The following NUP160 variants were observed in gnomAD, a reference collection of about 807,000 sequenced individuals.
NUP160 encodes nuclear pore complex protein Nup160.
NUP160 carries 94 observed loss-of-function variants against 196.9 expected under a neutral mutation model. That is an observed-to-expected ratio of 0.48 (90% CI 0.40 to 0.57). The LOEUF is 0.57. Among genes scored for constraint, NUP160 ranks in the 20% least tolerant of loss-of-function variants. NUP160 has a pLI of 0.00. For synonymous variants in NUP160, 605 were observed against 619.7 expected, an observed-to-expected ratio of 0.98 and a Z score of 0.35; for missense variants, 1,638 against 1,748.3, an observed-to-expected ratio of 0.94 and a Z score of 1.13.
chr11:47,788,454 G>A (rs951102905), intron 30 of NUP160, 47 bp downstream of exon 30: 2 of 1,560,286 alleles, frequency 1.3e-6, no homozygotes, highest in Non-Finnish European at 1.8e-6. Flanking sequence ...CCTAAAATGT[G>A]CTCGTGGTGC....
In NUP160 at chr11:47,795,968, A is replaced by G. The variant is rs1283465786; in HGVS notation, c.3289+1811T>C. Among the ~76,000 whole-genome samples the G allele has an allele frequency of 3.3e-5, 5 of 152,148 alleles. No homozygotes were observed. The South Asian group carries it at 6.2e-4, about 19-fold the overall frequency. ...GGAGTTCAAGACCAGCCTGACCAAC[A>G]TGGTGAAACCCCGTCTCTACTAAAA... On this transcript the variant is annotated intron_variant, in intron 27 of 35. Transcript: ENST00000378460.
intron 15 of NUP160, 69 bp downstream of exon 15, chr11:47,812,813 A>C: frequency 7.4e-7 from 1 of 1,357,198 alleles, no homozygotes; most frequent in Non-Finnish European, 1.0e-6. Flanking sequence ...CATACATTAA[A>C]ATTCCAACTT....
chr11:47,818,006 T>A (rs1851772759), intron 11 of NUP160, 50 bp downstream of exon 11: 1 of 1,112,596 alleles, frequency 9.0e-7, no homozygotes, highest in Non-Finnish European at 1.3e-6. Context: ...TTATATACAG[T>A]AATAAAATAA....
intron 15 of NUP160, 49 bp from the exon 16 acceptor site, chr11:47,812,478 C>A: frequency 1.3e-6 from 2 of 1,562,886 alleles, no homozygotes; most frequent in Non-Finnish European, 8.7e-7. Context: ...ATACGTAAGG[C>A]AAGTTCTATA....
In NUP160 at chr11:47,812,881, C is replaced by T. The variant is rs775522447; in HGVS notation, c.1952+1G>A. 6.3e-7 allele frequency: 1 copy of T among 1,598,172 alleles called. No homozygotes were observed. Among genetic ancestry groups the T allele is most frequent in the South Asian group, 1.1e-5 (1 of 87,168 alleles). ...ATGCACTTTACCCTAATTCTCCTTA[C>T]ACATCAATAGTGATCATATCTTCCA... On this transcript the variant is annotated splice_donor_variant, in intron 15 of 35. Coordinates refer to ENST00000378460, the Ensembl canonical transcript of NUP160. LOFTEE classifies it high-confidence loss of function.
rs577794610 is a variant in NUP160, at chr11:47,793,415, T to C, written c.3290-469A>G. Among the ~76,000 whole-genome samples the C allele has an allele frequency of 3.0e-3, 461 of 151,774 alleles. 1 individual carries two copies. The highest frequency in any genetic ancestry group is 5.5e-3 in the Non-Finnish European group (373 of 67,902). ...CCAAAATCACATGTTGGTGAGGATG[T>C]GGAAAAACTGGAACCCTTTTGTACT... On this transcript the variant is annotated intron_variant, in intron 27 of 35. Coordinates refer to ENST00000378460, the Ensembl canonical transcript of NUP160.
At chr11:47,785,650 C>T (rs913627091) in intron 32 of NUP160, among the ~76,000 whole-genome samples, 1 of 152,112 alleles carries the variant, frequency 6.6e-6, no homozygotes, top group Non-Finnish European at 1.5e-5. Context: ...TCATTTAACT[C>T]CTTTGTTTCT....
intron 17 of NUP160, among the ~76,000 whole-genome samples, chr11:47,811,714 G>A (rs578015247): frequency 2.0e-5 from 3 of 152,188 alleles, no homozygotes; most frequent in South Asian, 4.2e-4. Flanking sequence ...TGGGCAGGAT[G>A]TGCAGGTTTG....
In NUP160 at chr11:47,835,955, G is replaced by A. The variant is rs1286272417; in HGVS notation, c.943-146C>T. On this transcript the variant is annotated intron_variant, in intron 6 of 35. Transcript: ENST00000378460. The stretch of plus-strand genomic sequence containing the variant: ...ACCTTACAGGTTTTTGTTTCAAAAG[G>A]GCTAACACAGGCCGGGCGCAGTGGC... The A allele has an allele frequency of 1.3e-5, 8 of 614,648 alleles. No homozygotes were observed. In the East Asian group the frequency reaches 2.6e-4, roughly 20 times the overall value. The allele number at this position is 614,648 out of a possible 1,614,324, so 38.1% of individuals were successfully genotyped here.
At chr11:47,848,188 G>A in intron 1 of NUP160, 31 bp downstream of exon 1, 1 of 1,610,900 alleles carries the variant, frequency 6.2e-7, no homozygotes, top group Non-Finnish European at 8.5e-7. Context: ...GGGGACAGAT[G>A]GGATCGCACC....
At chr11:47,826,456 T>G (rs1319817111) in intron 7 of NUP160, among the ~76,000 whole-genome samples, 1 of 152,136 alleles carries the variant, frequency 6.6e-6, no homozygotes, top group Non-Finnish European at 1.5e-5. Context: ...CCTGAACTAC[T>G]ACATTCATTC....
intron 2 of NUP160, 87 bp downstream of exon 2, chr11:47,847,761 T>TG: frequency 1.2e-6 from 1 of 847,994 alleles, no homozygotes; most frequent in Non-Finnish European, 2.1e-6. Flanking sequence ...CAATTACCGC[T>TG]TCTAGAATAG....
intron 20 of NUP160, among the ~76,000 whole-genome samples, chr11:47,805,788 C>G (rs1366923248): frequency 6.6e-6 from 1 of 151,812 alleles, no homozygotes; most frequent in African/African-American, 2.4e-5. Flanking sequence ...ATTACATAGG[C>G]AGAATAAGAA....
At chr11:47,805,513 C>T (rs2097677014) in intron 20 of NUP160, among the ~76,000 whole-genome samples, 2 of 146,376 alleles carry the variant, frequency 1.4e-5, no homozygotes, top group South Asian at 2.1e-4. Flanking sequence ...GGCGCAATCT[C>T]GGCTCACTGC....
chr11:47,795,806 C>T (rs1327551475), intron 27 of NUP160, among the ~76,000 whole-genome samples: 1 of 152,028 alleles, frequency 6.6e-6, no homozygotes, highest in Non-Finnish European at 1.5e-5. Flanking sequence ...CAACTAAATG[C>T]AGTGTGTATT....
At chr11:47,831,069 G>T (rs959437017) in intron 7 of NUP160, among the ~76,000 whole-genome samples, 1 of 151,782 alleles carries the variant, frequency 6.6e-6, no homozygotes, top group Admixed American at 6.6e-5. Flanking sequence ...GGACTGAGGC[G>T]GGAGAATCGC....
At chr11:47,841,699 G>GTT in intron 2 of NUP160, 26 of 279,152 alleles carry the variant, frequency 9.3e-5, no homozygotes, top group Middle Eastern at 5.9e-4. Context: ...TTGTTTGTTT[G>GTT]TTTTTTTTTT....
exon 1 of NUP160, chr11:47,848,219 C>A (rs1223838951): frequency 2.5e-6 from 4 of 1,614,048 alleles, no homozygotes; most frequent in Non-Finnish European, 3.4e-6. Context: ...ATTTCCGTAC[C>A]AATGCTGCAG....
Position 47,793,025 on chromosome 11 carries a change from C to T in NUP160, c.3290-79G>A, listed in dbSNP as rs535125559. ...TTTTGGAGACAGAGTCTTGCTCTGT[C>T]GCCCAGGCTGGAGTGCAATGGCTTG... On this transcript the variant is annotated intron_variant, in intron 27 of 35. Transcript: ENST00000378460. 1.1e-3 allele frequency: 1,467 copies of T among 1,314,738 alleles called. 2 individuals are homozygous for T. Among genetic ancestry groups the T allele is most frequent in the Non-Finnish European group, 1.4e-3 (1,322 of 954,706 alleles). The allele number at this position is 1,314,738 out of a possible 1,614,324, so 81.4% of individuals were successfully genotyped here. A position where few individuals can be genotyped will look rare whatever the true frequency, so the allele number is the denominator to read the frequency against.
Sources: gnomAD v4.1 joint callset for allele counts (sites outside exome capture counted in the v4.1 genomes callset) on GRCh38, gnomAD v4.1.1 for gene constraint, MANE v1.5 for transcripts, NCBI Gene and HGNC (gene_info 2026-07-23, HGNC 2026-07-21) for gene names.